Variants in NRXN3 observed in about 807,000 individuals in gnomAD.
NRXN3 encodes neurexin III.
In NRXN3, 32 loss-of-function variants were observed where a neutral mutation model predicts 137.6. That is an observed-to-expected ratio of 0.23 (90% CI 0.18 to 0.31). The LOEUF (loss-of-function observed/expected upper bound fraction) is 0.31. NRXN3 is among the 10% of genes least tolerant of loss of function. NRXN3 has a pLI of 1.00. For missense variants in NRXN3, 1,574 were observed against 2,062.5 expected, an observed-to-expected ratio of 0.76 and a Z score of 4.59; for synonymous variants, 798 against 784.5, an observed-to-expected ratio of 1.02 and a Z score of -0.29.
intron 19 of NRXN3, among the ~76,000 whole-genome samples, chr14:79,737,128 A>C (rs2098944693): frequency 6.6e-6 from 1 of 152,248 alleles, no homozygotes; most frequent in Non-Finnish European, 1.5e-5. Flanking sequence ...AAGACAAAGT[A>C]TAGAACCCAA....
rs150484949 is a variant in NRXN3 at position 79,777,581 on chromosome 14, T to C, written c.4015-27531T>C. On this transcript the variant is annotated intron_variant, in intron 19 of 20. Coordinates refer to ENST00000335750, the MANE Select transcript of NRXN3 (RefSeq NM_001330195.2). ...GTATATCACAAGGCAAAAATTACTT[T>C]TTAGACTGATGAAGAGATGGATGGA... Among the ~76,000 whole-genome samples the C allele has an allele frequency of 1.1e-3, 174 of 152,218 alleles. 1 individual carries two copies. The highest frequency in any genetic ancestry group is 3.4e-3 in the African/African-American group (143 of 41,568).
At chr14:79,041,759 A>G (rs142012333) in intron 15 of NRXN3, among the ~76,000 whole-genome samples, 146 of 152,352 alleles carry the variant, frequency 9.6e-4, no homozygotes, top group Middle Eastern at 6.8e-3. Context: ...GAGTCACTTC[A>G]TCAACTTCAC....
rs189548594 is a variant in NRXN3, at chr14:78,246,340, T to C, written c.709+2538T>C. On this transcript the variant is annotated intron_variant, in intron 2 of 20. Transcript: ENST00000335750. ...AGAGCAGATTGTGTGCCATTGGTTT[T>C]TTAATAGCTAAATGCAATATGTATA... 1.1e-3 allele frequency among the ~76,000 whole-genome samples: 175 copies of C among 152,340 alleles called. 1 individual carries two copies. Among genetic ancestry groups the C allele is most frequent in the African/African-American group, 4.0e-3 (166 of 41,570 alleles).
chr14:78,510,890 C>A (rs1011937626), intron 4 of NRXN3, among the ~76,000 whole-genome samples: 1 of 152,166 alleles, frequency 6.6e-6, no homozygotes, highest in Admixed American at 6.5e-5. Context: ...AGCTTGTAAG[C>A]ACCAGATCTT....
chr14:79,458,695 C>A (rs1367099756), intron 15 of NRXN3, among the ~76,000 whole-genome samples: 4 of 152,098 alleles, frequency 2.6e-5, no homozygotes, highest in African/African-American at 4.8e-5. Flanking sequence ...TTTCCTAGAA[C>A]TTATTTTGTT....
At chr14:79,816,252 A>G (rs1248020306) in intron 20 of NRXN3, among the ~76,000 whole-genome samples, 3 of 152,186 alleles carry the variant, frequency 2.0e-5, no homozygotes, top group Non-Finnish European at 2.9e-5. Flanking sequence ...TTTTCTTTAT[A>G]TTACAGTGTG....
intron 1 of NRXN3, among the ~76,000 whole-genome samples, chr14:78,182,646 G>T (rs1392613659): frequency 2.0e-5 from 3 of 151,836 alleles, no homozygotes; most frequent in Admixed American, 6.6e-5. Context: ...TTTTTTTGTA[G>T]TTTTAGTAGA....
intron 19 of NRXN3, among the ~76,000 whole-genome samples, chr14:79,756,845 G>T (rs1214079980): frequency 6.6e-6 from 1 of 152,116 alleles, no homozygotes; most frequent in African/African-American, 2.4e-5. Context: ...CTTTACTACT[G>T]GGAACCCGAA....
intron 4 of NRXN3, chr14:78,403,778 G>A: frequency 1.0e-6 from 1 of 985,442 alleles, no homozygotes; most frequent in African/African-American, 1.7e-5. Context: ...GGAATGTGGT[G>A]GTCCCTCTCT....
At chr14:79,728,107 G>C (rs1005337112) in intron 19 of NRXN3, among the ~76,000 whole-genome samples, 2 of 152,208 alleles carry the variant, frequency 1.3e-5, no homozygotes, top group Non-Finnish European at 2.9e-5. Context: ...TGCTAGGGTA[G>C]AGTACTTTAG....
intron 17 of NRXN3, among the ~76,000 whole-genome samples, chr14:79,682,399 A>G (rs2098675116): frequency 6.6e-6 from 1 of 152,178 alleles, no homozygotes; most frequent in Non-Finnish European, 1.5e-5. Context: ...AAGACATACT[A>G]CAACTACGGC....
At chr14:78,939,778 A>G (rs989489836) in intron 10 of NRXN3, among the ~76,000 whole-genome samples, 1 of 152,162 alleles carries the variant, frequency 6.6e-6, no homozygotes, top group African/African-American at 2.4e-5. Context: ...CTGTACTTTC[A>G]TCCCTTTCTA....
intron 19 of NRXN3, among the ~76,000 whole-genome samples, chr14:79,748,083 G>A (rs1219940436): frequency 6.6e-6 from 1 of 152,034 alleles, no homozygotes; most frequent in African/African-American, 2.4e-5. Flanking sequence ...AACAGCTAAT[G>A]CATGTGGGGC....
chr14:78,659,306 G>A (rs938904210), intron 6 of NRXN3, among the ~76,000 whole-genome samples: 3 of 152,088 alleles, frequency 2.0e-5, no homozygotes, highest in African/African-American at 7.2e-5. Context: ...TTTCGGTAAA[G>A]TCAACCAGTC....
At chr14:78,983,950 G>A (rs1311187755) in intron 14 of NRXN3, among the ~76,000 whole-genome samples, 1 of 151,574 alleles carries the variant, frequency 6.6e-6, no homozygotes, top group African/African-American at 2.4e-5. Flanking sequence ...TATGCCAAGT[G>A]AAATAAGCCA....
chr14:78,433,755 G>T (rs1363160432), intron 4 of NRXN3, among the ~76,000 whole-genome samples: 2 of 152,058 alleles, frequency 1.3e-5, no homozygotes, highest in African/African-American at 4.8e-5. Context: ...TCCAGAAACG[G>T]TAAGAAATAA....
chr14:79,551,967 C>A (rs2097377171), intron 16 of NRXN3, among the ~76,000 whole-genome samples: 1 of 152,112 alleles, frequency 6.6e-6, no homozygotes, highest in Non-Finnish European at 1.5e-5. Flanking sequence ...CGTCATTAGC[C>A]CAGATGTTCC....
chr14:79,533,720 A>T (rs1002463403), intron 16 of NRXN3, among the ~76,000 whole-genome samples: 17 of 152,310 alleles, frequency 1.1e-4, no homozygotes, highest in Non-Finnish European at 2.1e-4. Context: ...TGCCCCACAA[A>T]TCACTTTGTT....
At chr14:79,401,918 T>A (rs1027207257) in intron 15 of NRXN3, among the ~76,000 whole-genome samples, 1 of 152,022 alleles carries the variant, frequency 6.6e-6, no homozygotes, top group Non-Finnish European at 1.5e-5. Context: ...CTTTCTTTCT[T>A]TTTCTCATTT....
Sources: allele counts gnomAD v4.1 joint callset (sites outside exome capture counted in the v4.1 genomes callset), GRCh38; gene constraint gnomAD v4.1.1; transcripts MANE v1.5; gene names NCBI Gene and HGNC (gene_info 2026-07-23, HGNC 2026-07-21).